Variants in NCKAP5 observed in about 807,000 individuals in gnomAD.
The protein encoded by NCKAP5 is NCK associated protein 5.
Under a neutral mutation model 167.0 loss-of-function variants are expected in NCKAP5, and 92 were observed. That is an observed-to-expected ratio of 0.55 (90% confidence interval 0.47 to 0.66). The LOEUF (loss-of-function observed/expected upper bound fraction) is 0.66. Among genes scored for constraint, NCKAP5 ranks in the 30% least tolerant of loss-of-function variants. The probability of loss-of-function intolerance (pLI) is 0.00; values close to 1 mark genes in which losing one functional copy is unlikely to be tolerated. For synonymous variants in NCKAP5, 891 were observed against 877.4 expected, an observed-to-expected ratio of 1.02 and a Z score of -0.27; for missense variants, 2,378 against 2,315.0, an observed-to-expected ratio of 1.03 and a Z score of -0.56.
the NCKAP5 span, among the ~76,000 whole-genome samples, chr2:133,645,865 A>G: frequency 6.6e-6 from 1 of 152,118 alleles, no homozygotes; most frequent in Non-Finnish European, 1.5e-5. Flanking sequence ...AATTTACAGA[A>G]TCATAATAAG....
At chr2:132,828,925 G>A (rs1467462623) in intron 11 of NCKAP5, among the ~76,000 whole-genome samples, 2 of 152,158 alleles carry the variant, frequency 1.3e-5, no homozygotes, top group Admixed American at 1.3e-4. Flanking sequence ...GCTTGCTCTG[G>A]TTGTTAGTAT....
At chr2:132,791,640 G>T (rs748132863) in intron 12 of NCKAP5, among the ~76,000 whole-genome samples, 99 of 152,272 alleles carry the variant, frequency 6.5e-4, no homozygotes, top group Non-Finnish European at 1.0e-3. Context: ...TGTGTCACTT[G>T]CAGAGTGGCA....
intron 12 of NCKAP5, among the ~76,000 whole-genome samples, chr2:132,794,263 T>TATATAG (rs762281677): frequency 7.6e-4 from 9 of 11,914 alleles, no homozygotes; most frequent in Non-Finnish European, 1.4e-3. Context: ...TATATATATA[T>TATATAG]AGAGAGAGAG....
Position 133,237,030 on chromosome 2 carries a change from T to C in NCKAP5, c.144-23251A>G, listed in dbSNP as rs148566954. On this transcript the variant is annotated intron_variant, in intron 4 of 19. Coordinates refer to ENST00000409261, the MANE Select transcript of NCKAP5 (RefSeq NM_207363.3). Reference sequence around the variant, plus strand: ...ACCTGTACCTTGGGCACATGTACCCTAGAACTTAAAGTATAATAAAAAAAA... The same window carrying C: ...ACCTGTACCTTGGGCACATGTACCCCAGAACTTAAAGTATAATAAAAAAAA... 8.4e-3 allele frequency among the ~76,000 whole-genome samples: 1,271 copies of C among 150,610 alleles called. 11 individuals carry two copies. The highest frequency in any genetic ancestry group is 0.013 in the Non-Finnish European group (894 of 67,798).
intron 3 of NCKAP5, among the ~76,000 whole-genome samples, chr2:133,335,872 G>C (rs997665321): frequency 6.6e-6 from 1 of 152,062 alleles, no homozygotes; most frequent in South Asian, 2.1e-4. Flanking sequence ...TGAAAATTGG[G>C]ACATAAATTT....
chr2:132,679,043 T>C (rs1423029822), intron 19 of NCKAP5, among the ~76,000 whole-genome samples: 2 of 152,120 alleles, frequency 1.3e-5, no homozygotes, highest in African/African-American at 2.4e-5. Flanking sequence ...TTCCCTACTT[T>C]AGTTCTCAAT....
At chr2:133,586,078 C>G in the NCKAP5 span, among the ~76,000 whole-genome samples, 2 of 152,294 alleles carry the variant, frequency 1.3e-5, no homozygotes, top group Middle Eastern at 3.4e-3. Flanking sequence ...GTTTCCTTCT[C>G]AACATCTTTA....
chr2:133,313,561 T>C (rs1408926936), intron 3 of NCKAP5, among the ~76,000 whole-genome samples: 1 of 152,184 alleles, frequency 6.6e-6, no homozygotes, highest in East Asian at 1.9e-4. Context: ...TAAATATTGT[T>C]TCTATAGCAG....
chr2:132,766,676 A>G (rs781203899), intron 16 of NCKAP5, among the ~76,000 whole-genome samples: 69 of 152,298 alleles, frequency 4.5e-4, no homozygotes, highest in Non-Finnish European at 4.1e-4. Context: ...CTTGTTCTCT[A>G]TAGAAGTGAA....
the NCKAP5 span, among the ~76,000 whole-genome samples, chr2:133,654,680 G>A: frequency 9.4e-4 from 143 of 152,234 alleles, 1 homozygote; most frequent in South Asian, 1.2e-3. Context: ...CTAGCACCTC[G>A]CACAATACCA....
chr2:132,989,845 G>T (rs74785998), intron 7 of NCKAP5, among the ~76,000 whole-genome samples: 5,837 of 152,202 alleles, frequency 0.038, 340 homozygotes, highest in African/African-American at 0.13. Flanking sequence ...CCACATCCCA[G>T]TCCCTGAAGA....
intron 16 of NCKAP5, among the ~76,000 whole-genome samples, chr2:132,743,595 C>T (rs1679390848): frequency 6.6e-6 from 1 of 151,164 alleles, no homozygotes; most frequent in African/African-American, 2.4e-5. Context: ...TAAAAACATT[C>T]AAGTCAAAAA....
At chr2:132,937,414 T>G (rs1226188550) in intron 8 of NCKAP5, among the ~76,000 whole-genome samples, 1 of 152,244 alleles carries the variant, frequency 6.6e-6, no homozygotes, top group Non-Finnish European at 1.5e-5. Context: ...TAAATAGTAA[T>G]ACATTGTTGG....
intron 2 of NCKAP5, among the ~76,000 whole-genome samples, chr2:133,526,481 T>C (rs1251856751): frequency 1.3e-5 from 2 of 152,194 alleles, no homozygotes; most frequent in Non-Finnish European, 2.9e-5. Flanking sequence ...GGATTCACTT[T>C]TTATTGAGCT....
intron 2 of NCKAP5, among the ~76,000 whole-genome samples, chr2:133,525,120 A>G (rs2104792364): frequency 6.6e-6 from 1 of 152,338 alleles, no homozygotes. Flanking sequence ...AAATCCTACC[A>G]GCCCCCTGAA....
intron 4 of NCKAP5, among the ~76,000 whole-genome samples, chr2:133,281,521 G>C: frequency 6.6e-6 from 1 of 152,100 alleles, no homozygotes; most frequent in East Asian, 1.9e-4. Context: ...AGTTTTGAGA[G>C]GTATTCTGGA....
chr2:132,897,159 C>A (rs749829831), intron 8 of NCKAP5, among the ~76,000 whole-genome samples: 2 of 152,180 alleles, frequency 1.3e-5, no homozygotes, highest in Non-Finnish European at 2.9e-5. Context: ...TCACTTCTTC[C>A]TTTCCTTGAT....
chr2:133,559,404 G>C (rs1688000922), intron 1 of NCKAP5, among the ~76,000 whole-genome samples: 1 of 152,110 alleles, frequency 6.6e-6, no homozygotes, highest in Admixed American at 6.5e-5. Context: ...CTGCAACCTG[G>C]AACTCTTGGG....
At chr2:132,679,136 T>G (rs556690093) in intron 19 of NCKAP5, among the ~76,000 whole-genome samples, 1 of 152,214 alleles carries the variant, frequency 6.6e-6, no homozygotes, top group East Asian at 1.9e-4. Context: ...GAGAACAAGG[T>G]TTCCATCTGT....
Sources: allele counts gnomAD v4.1 joint callset (sites outside exome capture counted in the v4.1 genomes callset), GRCh38; gene constraint gnomAD v4.1.1; transcripts MANE v1.5; gene names NCBI Gene and HGNC (gene_info 2026-07-23, HGNC 2026-07-21).